The following CRLF3 variants were observed in gnomAD, a reference collection of about 807,000 sequenced individuals.
The protein encoded by CRLF3 is cytokine receptor-like factor 3.
A neutral mutation model predicts 55.0 loss-of-function variants in CRLF3; 33 were observed. That is an observed-to-expected ratio of 0.60 (90% CI 0.46 to 0.80). The LOEUF (loss-of-function observed/expected upper bound fraction) is 0.80. Ranked by LOEUF, CRLF3 falls within the 30% of genes least tolerant of loss-of-function variation. The pLI is 0.00. For synonymous variants in CRLF3, 238 were observed against 196.8 expected (o/e 1.21, Z -1.75); for missense variants, 494 against 538.4 (o/e 0.92, Z 0.82).
At chr17:30,821,837 G>A (rs1905006608) in intron 1 of CRLF3, among the ~76,000 whole-genome samples, 1 of 152,046 alleles carries the variant, frequency 6.6e-6, no homozygotes, top group Admixed American at 6.6e-5. Flanking sequence ...ACTGGTGATG[G>A]TTGGACAACT....
chr17:30,804,317 A>C (rs1400637108), intron 1 of CRLF3, among the ~76,000 whole-genome samples: 2 of 152,230 alleles, frequency 1.3e-5, no homozygotes, highest in Non-Finnish European at 2.9e-5. Flanking sequence ...TAACATGTCC[A>C]TCTCTTCACA....
chr17:30,784,735 C>T (rs1282893334), intron 7 of CRLF3: 1 of 267,882 alleles, frequency 3.7e-6, no homozygotes, highest in Non-Finnish European at 7.1e-6. Context: ...CTTGTTCTAC[C>T]GAATTCTTGA....
In CRLF3 at chr17:30,797,382, A is replaced by G. The variant is rs760198148; in HGVS notation, c.354T>C (p.Leu118=). The part of the protein sequence containing the change: ...DLVREGEIAM[L]GGVGEENEKL... Reference sequence around the variant, plus strand: ...TCTCATTCTCTTCTCCCACACCACCAAGCATGGCGATTTCACCTACAATCA... The same window carrying G: ...TCTCATTCTCTTCTCCCACACCACCGAGCATGGCGATTTCACCTACAATCA... The change falls in exon 3 of 8, where the codon CTT becomes CTC. Residue 118 remains leucine, a synonymous_variant. Transcript: ENST00000324238. 1 of 1,613,688 alleles carries G rather than the reference A, an allele frequency of 6.2e-7. No homozygotes were observed.
At chr17:30,820,117 T>C (rs1311963619) in intron 1 of CRLF3, among the ~76,000 whole-genome samples, 3 of 152,210 alleles carry the variant, frequency 2.0e-5, no homozygotes, top group Non-Finnish European at 4.4e-5. Context: ...TTATCTGATT[T>C]CCTGAAGACA....
Position 30,784,158 on chromosome 17 carries a change from C to G in CRLF3, c.*29G>C, listed in dbSNP as rs775099954. On this transcript the variant is annotated 3_prime_UTR_variant, in exon 8 of 8. Coordinates refer to ENST00000324238, the MANE Select transcript of CRLF3 (RefSeq NM_015986.4). ...GGGCTGAGGACAGCTACGTTAGACC[C>G]TGAAAACCAAAGCCAAGCACCCAAA... 3.7e-6 allele frequency: 6 copies of G among 1,601,802 alleles called. No homozygotes were observed. Among genetic ancestry groups the G allele is most frequent in the Non-Finnish European group, 5.1e-6 (6 of 1,174,062 alleles).
At chr17:30,817,290 G>C (rs1169323479) in intron 1 of CRLF3, among the ~76,000 whole-genome samples, 1 of 151,926 alleles carries the variant, frequency 6.6e-6, no homozygotes, top group Non-Finnish European at 1.5e-5. Flanking sequence ...TACAAAAAAT[G>C]AGCCGGGTGT....
At chr17:30,805,009 C>A (rs1904345311) in intron 1 of CRLF3, among the ~76,000 whole-genome samples, 1 of 151,922 alleles carries the variant, frequency 6.6e-6, no homozygotes, top group African/African-American at 2.4e-5. Flanking sequence ...GTAGTGAAAC[C>A]CTGTATCTAC....
chr17:30,796,952 GT>G (rs1478368767), intron 3 of CRLF3, among the ~76,000 whole-genome samples: 1 of 152,018 alleles, frequency 6.6e-6, no homozygotes, highest in Non-Finnish European at 1.5e-5. Context: ...AGGCTGGAGT[GT>G]AGTGGTACAA....
At chr17:30,823,755 A>AT (rs1238492632) in intron 1 of CRLF3, among the ~76,000 whole-genome samples, 1 of 152,132 alleles carries the variant, frequency 6.6e-6, no homozygotes, top group African/African-American at 2.4e-5. Flanking sequence ...TGTGAAACAG[A>AT]TAACTGCACC....
At chr17:30,789,812 A>C (rs1376052414) in intron 6 of CRLF3, among the ~76,000 whole-genome samples, 1 of 152,138 alleles carries the variant, frequency 6.6e-6, no homozygotes, top group African/African-American at 2.4e-5. Context: ...GCAGTCTGAG[A>C]TATCTGGCCT....
At chr17:30,792,245 C>G in intron 6 of CRLF3, 195 bp downstream of exon 6, 1 of 499,032 alleles carries the variant, frequency 2.0e-6, no homozygotes, top group South Asian at 3.6e-5. Flanking sequence ...ATACATTTCC[C>G]AGTTAATCTA....
chr17:30,786,228 CTA>C (rs1657225819), intron 6 of CRLF3, 197 bp from the exon 7 acceptor site: 1 of 453,326 alleles, frequency 2.2e-6, no homozygotes, highest in African/African-American at 2.0e-5. Context: ...TTACAACAAT[CTA>C]TGAGGTAGGT....
chr17:30,796,478 T>A (rs1971920307), intron 3 of CRLF3, 141 bp from the exon 4 acceptor site: 1 of 578,428 alleles, frequency 1.7e-6, no homozygotes, highest in Admixed American at 3.3e-5. Context: ...ATTTGCAAGA[T>A]GTTACACAAA....
chr17:30,799,773 G>A (rs1567663644), intron 2 of CRLF3, among the ~76,000 whole-genome samples: 1 of 152,072 alleles, frequency 6.6e-6, no homozygotes, highest in East Asian at 1.9e-4. Context: ...CCAAAGTGTT[G>A]TGATTACAGG....
In CRLF3 at chr17:30,802,569, T is replaced by C. The variant is rs569689999; in HGVS notation, c.337+1332A>G. ...CCTCGGCCTCTTAAGTAGTTGGGAC[T>C]CCAGGTGCATGCCACCATGCCCAGC... On this transcript the variant is annotated intron_variant, in intron 2 of 7. Transcript: ENST00000324238. Among the ~76,000 whole-genome samples, 5 of 151,870 alleles carry C rather than the reference T, an allele frequency of 3.3e-5. No homozygotes were observed. In the South Asian group the frequency reaches 1.0e-3, roughly 32 times the overall value.
At position 30,824,669 on chromosome 17, in the gene CRLF3, G is replaced by A. The variant is rs746793911; in HGVS notation, c.-18C>T. The A allele has an allele frequency of 1.3e-6, 2 of 1,584,092 alleles. No homozygotes were observed. Among genetic ancestry groups the A allele is most frequent in the Non-Finnish European group, 1.7e-6 (2 of 1,171,652 alleles). ...CCCCTCATCTGGCCGCGCGGCCGGC[G>A]AAACCTAGCGCGGGTTCCCGACTGC... On this transcript the variant is annotated 5_prime_UTR_variant, in exon 1 of 8. Coordinates refer to ENST00000324238, the MANE Select transcript of CRLF3 (RefSeq NM_015986.4).
At chr17:30,785,799 A>G in intron 7 of CRLF3, 120 bp downstream of exon 7, 1 of 593,686 alleles carries the variant, frequency 1.7e-6, no homozygotes, top group Non-Finnish European at 2.9e-6. Context: ...AAAAAAAAGA[A>G]AAAGAAAAAT....
rs1417784919 is a variant in CRLF3 at position 30,797,788 on chromosome 17, T to G, written c.338-390A>C. 3.3e-5 allele frequency among the ~76,000 whole-genome samples: 5 copies of G among 151,088 alleles called. No homozygotes were observed. The East Asian group carries it at 9.7e-4, about 29-fold the overall frequency. On this transcript the variant is annotated intron_variant, in intron 2 of 7. Coordinates refer to ENST00000324238, the MANE Select transcript of CRLF3 (RefSeq NM_015986.4). Reference sequence around the variant, plus strand: ...AGGGGATAGGGTGTTTTTTTTTTTTTTTTTGAGACTGGGTCTTGTTCTGTC... The same window carrying G: ...AGGGGATAGGGTGTTTTTTTTTTTTGTTTTGAGACTGGGTCTTGTTCTGTC...
At chr17:30,814,248 C>T (rs2142270801) in intron 1 of CRLF3, among the ~76,000 whole-genome samples, 1 of 151,892 alleles carries the variant, frequency 6.6e-6, no homozygotes, top group African/African-American at 2.4e-5. Context: ...CAGAGCAAGA[C>T]TCCGTCTCGA....
Sources: gnomAD v4.1 joint callset for allele counts (sites outside exome capture counted in the v4.1 genomes callset) on GRCh38, gnomAD v4.1.1 for gene constraint, MANE v1.5 for transcripts, NCBI Gene and HGNC (gene_info 2026-07-23, HGNC 2026-07-21) for gene names.